Variants in SUZ12 observed in about 807,000 individuals in gnomAD.
The protein encoded by SUZ12 is SUZ12 polycomb repressive complex 2 subunit.
A neutral mutation model predicts 87.3 loss-of-function variants in SUZ12; 17 were observed. The ratio of observed to expected loss-of-function variants is 0.19; its 90% CI spans 0.13 to 0.29. The LOEUF is 0.29. Ranked by LOEUF, SUZ12 falls within the 10% of genes least tolerant of loss-of-function variation. The pLI is 1.00. For missense variants in SUZ12, 526 were observed against 912.2 expected, an observed-to-expected ratio of 0.58 and a Z score of 5.45; for synonymous variants, 253 against 312.4, an observed-to-expected ratio of 0.81 and a Z score of 2.01.
At chr17:31,961,071 G>A (rs1452666578) in intron 4 of SUZ12, among the ~76,000 whole-genome samples, 2 of 152,010 alleles carry the variant, frequency 1.3e-5, no homozygotes, top group Non-Finnish European at 2.9e-5. Context: ...AAATAAACTG[G>A]GCATGGCAGC....
chr17:31,950,895 C>T (rs953100195), intron 4 of SUZ12, among the ~76,000 whole-genome samples: 1 of 152,038 alleles, frequency 6.6e-6, no homozygotes, highest in Non-Finnish European at 1.5e-5. Flanking sequence ...ATTCTCCTGC[C>T]TCAGCCTCCC....
intron 12 of SUZ12, 104 bp downstream of exon 12, chr17:31,994,112 GA>G (rs55701061): frequency 0.13 from 135,142 of 1,054,990 alleles, 9,715 homozygotes; most frequent in Middle Eastern, 0.18. Context: ...TTAAAAAAGG[GA>G]AAAAATATGC....
At chr17:31,962,049 T>C (rs1048400789) in intron 4 of SUZ12, among the ~76,000 whole-genome samples, 1 of 152,224 alleles carries the variant, frequency 6.6e-6, no homozygotes, top group Non-Finnish European at 1.5e-5. Context: ...AGAGTGCTTG[T>C]AAAGGGATAA....
chr17:31,960,700 C>T (rs1907654923), intron 4 of SUZ12, among the ~76,000 whole-genome samples: 1 of 152,126 alleles, frequency 6.6e-6, no homozygotes, highest in Admixed American at 6.6e-5. Flanking sequence ...GCTTCAGCCT[C>T]CCGAGTAACT....
chr17:31,995,597 T>C lies in SUZ12; in HGVS notation c.1629T>C (p.Phe543=), dbSNP rs749314997. The change falls in exon 14 of 16, where the codon TTT becomes TTC. Residue 543 remains phenylalanine (F), a synonymous_variant. Transcript: ENST00000322652. ...PKRTKASMSE[F]LESEDGEVEQ... is the part of the protein sequence containing the mutation. ...GAACAAAAGCAAGCATGTCTGAATT[T>C]CTTGAATCTGAAGATGGGGAAGTAG... 3 of 1,614,082 alleles carry C rather than the reference T, an allele frequency of 1.9e-6. No individual in the cohort carries two copies. Among genetic ancestry groups the C allele is most frequent in the Non-Finnish European group, 2.5e-6 (3 of 1,179,998 alleles).
chr17:31,963,509 G>GT (rs1162688023), intron 4 of SUZ12, among the ~76,000 whole-genome samples: 1 of 129,024 alleles, frequency 7.8e-6, no homozygotes, highest in Admixed American at 7.2e-5. Flanking sequence ...GTTTTGTTTT[G>GT]TTTTTTGAGA....
rs1225575147 is a variant in SUZ12 at position 32,000,154 on chromosome 17, G to A, written c.*1151G>A. ...TATTCCAACTCCGAGCACTGTGGTT[G>A]AGTAACATCACCTCAATTTTTTATT... On this transcript the variant is annotated 3_prime_UTR_variant, in exon 16 of 16. Transcript: ENST00000322652. The A allele has an allele frequency of 4.3e-6, 1 of 233,182 alleles. No homozygotes were observed. Among genetic ancestry groups the A allele is most frequent in the Non-Finnish European group, 8.5e-6 (1 of 117,896 alleles). The allele number at this position is 233,182 out of a possible 1,614,324, so 14.4% of individuals were successfully genotyped here.
At chr17:31,978,658 C>A (rs1334303627) in intron 8 of SUZ12, among the ~76,000 whole-genome samples, 1 of 152,132 alleles carries the variant, frequency 6.6e-6, no homozygotes, top group African/African-American at 2.4e-5. Flanking sequence ...GTTAATTGTT[C>A]TATTTTAGGC....
At chr17:31,962,560 C>CA (rs199952456) in intron 4 of SUZ12, among the ~76,000 whole-genome samples, 15,740 of 147,674 alleles carry the variant, frequency 0.11, no homozygotes, top group South Asian at 0.2. Flanking sequence ...CACTGTATAC[C>CA]AGTCTGGGTG....
intron 4 of SUZ12, among the ~76,000 whole-genome samples, chr17:31,960,049 C>T (rs550015068): frequency 2.6e-5 from 4 of 152,228 alleles, no homozygotes; most frequent in Admixed American, 2.6e-4. Flanking sequence ...TTACGTGTTT[C>T]TTTTCCTCCC....
At chr17:31,995,066 G>A (rs1909901022) in intron 13 of SUZ12, among the ~76,000 whole-genome samples, 2 of 152,072 alleles carry the variant, frequency 1.3e-5, no homozygotes, top group South Asian at 4.1e-4. Flanking sequence ...ATTGCACTCC[G>A]GCCTGGGCAA....
intron 9 of SUZ12, among the ~76,000 whole-genome samples, chr17:31,986,134 G>T (rs1212441797): frequency 6.6e-6 from 1 of 152,022 alleles, no homozygotes; most frequent in East Asian, 1.9e-4. Context: ...AGGCCTGGGG[G>T]TTTCACCATG....
intron 8 of SUZ12, among the ~76,000 whole-genome samples, chr17:31,977,331 G>A (rs1908817615): frequency 6.7e-6 from 1 of 149,492 alleles, no homozygotes; most frequent in African/African-American, 2.5e-5. Context: ...AGGCAGGAGT[G>A]CAGTGGCGCA....
Position 31,993,901 on chromosome 17 carries a change from G to C in SUZ12, c.1330G>C (p.Ala444Pro). The C allele has an allele frequency of 1.2e-6, 2 of 1,612,844 alleles. No homozygotes were observed. Among genetic ancestry groups the C allele is most frequent in the Non-Finnish European group, 8.5e-7 (1 of 1,179,636 alleles). The change falls in exon 12 of 16, where the codon GCA (alanine) becomes CCA (proline). Residue 444 changes from alanine to proline, a missense_variant. Coordinates refer to ENST00000322652, the MANE Select transcript of SUZ12 (RefSeq NM_015355.4). Reference protein sequence around the residue: ...YNNNTRQQTEARDDLHCPWCT... With the variant: ...YNNNTRQQTEPRDDLHCPWCT... ...CAACAATACAAGGCAACAAACTGAA[G>C]CAAGAGATGACCTGCATTGCCCTTG...
chr17:31,952,063 T>G (rs1907019293), intron 4 of SUZ12, among the ~76,000 whole-genome samples: 2 of 151,556 alleles, frequency 1.3e-5, no homozygotes. Context: ...GCTGAGCCAC[T>G]GCGCCCAGCC....
intron 5 of SUZ12, chr17:31,967,507 G>C (rs1306698961): frequency 1.3e-5 from 2 of 151,882 alleles, no homozygotes; most frequent in African/African-American, 4.8e-5. Context: ...AACTAGCTGG[G>C]TGTCGTGGTG....
chr17:31,961,536 C>T (rs1291637449), intron 4 of SUZ12, among the ~76,000 whole-genome samples: 10 of 152,158 alleles, frequency 6.6e-5, no homozygotes, highest in African/African-American at 2.2e-4. Flanking sequence ...AGTAAGACTC[C>T]GTCTCAAAAA....
chr17:31,996,821 T>C lies in SUZ12; in HGVS notation c.1818T>C (p.Val606=). 1.3e-6 allele frequency: 2 copies of C among 1,555,448 alleles called. No individual in the cohort carries two copies. The highest frequency in any genetic ancestry group is 2.4e-5 in the East Asian group (1 of 41,456). ...AGCAAATTGAAGAGTTTTCTGATGT[T>C]AATGAAGGAGAGAAAGAAGTGATGA... ...TITQIEEFSD[V]NEGEKEVMKL... The change falls in exon 15 of 16, where the codon GTT becomes GTC. Residue 606 remains valine, a synonymous_variant. Coordinates refer to ENST00000322652, the MANE Select transcript of SUZ12 (RefSeq NM_015355.4).
intron 10 of SUZ12, among the ~76,000 whole-genome samples, chr17:31,989,743 C>T (rs9911749): frequency 0.03 from 4,561 of 151,236 alleles, 242 homozygotes; most frequent in African/African-American, 0.1. Flanking sequence ...GCATTACAGG[C>T]GCCTGCCACC....
Sources: allele counts gnomAD v4.1 joint callset (sites outside exome capture counted in the v4.1 genomes callset), GRCh38; gene constraint gnomAD v4.1.1; transcripts MANE v1.5; gene names NCBI Gene and HGNC (gene_info 2026-07-23, HGNC 2026-07-21).